Variants in TESK2 observed in about 807,000 individuals in gnomAD.
TESK2 encodes the protein dual specificity testis-specific protein kinase 2.
Under a neutral mutation model 57.1 loss-of-function variants are expected in TESK2, and 39 were observed. The observed-to-expected ratio is 0.68, with a 90% CI of 0.53 to 0.89. The LOEUF (loss-of-function observed/expected upper bound fraction) is 0.89, where lower values mean the gene tolerates loss of function less well. Ranked by LOEUF, TESK2 falls within the 40% of genes least tolerant of loss-of-function variation. The pLI, the probability that TESK2 is intolerant of heterozygous loss-of-function variation, is 0.00. For missense variants in TESK2, 646 were observed against 732.1 expected, an observed-to-expected ratio of 0.88 and a Z score of 1.36; for synonymous variants, 249 against 267.9, an observed-to-expected ratio of 0.93 and a Z score of 0.69.
At chr1:45,489,555 C>T (rs1653630669) in intron 1 of TESK2, among the ~76,000 whole-genome samples, 1 of 152,180 alleles carries the variant, frequency 6.6e-6, no homozygotes, top group South Asian at 2.1e-4. Flanking sequence ...TGTGGGAGGC[C>T]GAGGTGGGCG....
At chr1:45,476,335 T>C (rs1203075283) in intron 1 of TESK2, among the ~76,000 whole-genome samples, 1 of 151,832 alleles carries the variant, frequency 6.6e-6, no homozygotes, top group Non-Finnish European at 1.5e-5. Context: ...TGAGGAGACT[T>C]TGTCTCTACA....
At chr1:45,420,996 T>C (rs1187184607) in intron 3 of TESK2, among the ~76,000 whole-genome samples, 1 of 152,094 alleles carries the variant, frequency 6.6e-6, no homozygotes, top group South Asian at 2.1e-4. Flanking sequence ...CATAAACTTA[T>C]AAAAATAATT....
intron 2 of TESK2, among the ~76,000 whole-genome samples, chr1:45,427,111 T>C (rs562631967): frequency 5.3e-5 from 8 of 151,948 alleles, no homozygotes; most frequent in African/African-American, 1.9e-4. Context: ...GGCATGGTAG[T>C]GCACGTCTGT....
chr1:45,434,330 C>T (rs1651100545), intron 2 of TESK2, among the ~76,000 whole-genome samples: 1 of 148,688 alleles, frequency 6.7e-6, no homozygotes, highest in Admixed American at 6.7e-5. Flanking sequence ...GGGTCCTGCT[C>T]TATTGCCAGG....
chr1:45,381,483 T>TATC (rs1325879040), intron 4 of TESK2, among the ~76,000 whole-genome samples: 1 of 152,050 alleles, frequency 6.6e-6, no homozygotes, highest in African/African-American at 2.4e-5. Context: ...GCTATTCTGG[T>TATC]ATCATCTTAA....
At chr1:45,438,634 A>G (rs1473374580) in intron 2 of TESK2, among the ~76,000 whole-genome samples, 1 of 152,214 alleles carries the variant, frequency 6.6e-6, no homozygotes, top group Non-Finnish European at 1.5e-5. Context: ...AGATTATTTC[A>G]TCACCTAGGT....
intron 2 of TESK2, among the ~76,000 whole-genome samples, chr1:45,454,246 G>C (rs1419503451): frequency 6.6e-6 from 1 of 152,034 alleles, no homozygotes; most frequent in African/African-American, 2.4e-5. Flanking sequence ...TGGTTGCCAG[G>C]GGTTGGGGGG....
chr1:45,483,685 G>A (rs186497215), intron 1 of TESK2, among the ~76,000 whole-genome samples: 7 of 152,198 alleles, frequency 4.6e-5, no homozygotes, highest in Middle Eastern at 3.4e-3. Flanking sequence ...GCGAGGGGGC[G>A]GCGGAGGGGG....
chr1:45,358,230 A>G (rs548782335), intron 4 of TESK2, among the ~76,000 whole-genome samples: 78 of 151,158 alleles, frequency 5.2e-4, no homozygotes, highest in Non-Finnish European at 9.9e-4. Flanking sequence ...GGAGAATGGC[A>G]TGAACCCAGG....
At chr1:45,401,145 C>T (rs1649579775) in intron 3 of TESK2, among the ~76,000 whole-genome samples, 1 of 151,802 alleles carries the variant, frequency 6.6e-6, no homozygotes, top group African/African-American at 2.4e-5. Context: ...ATCTGTAATC[C>T]CAGCACTTTG....
chr1:45,378,514 A>C (rs1648526524), intron 4 of TESK2, among the ~76,000 whole-genome samples: 1 of 152,218 alleles, frequency 6.6e-6, no homozygotes, highest in South Asian at 2.1e-4. Flanking sequence ...CATGTGGAAA[A>C]AGAGAAGAAC....
At chr1:45,466,895 A>C (rs1403509663) in intron 1 of TESK2, among the ~76,000 whole-genome samples, 1 of 151,962 alleles carries the variant, frequency 6.6e-6, no homozygotes, top group Non-Finnish European at 1.5e-5. Flanking sequence ...CCTTACAATA[A>C]CCACAAAGTT....
chr1:45,398,471 C>G lies in TESK2; in HGVS notation c.345-12511G>C, dbSNP rs1649452304. 3.3e-5 allele frequency among the ~76,000 whole-genome samples: 5 copies of G among 152,002 alleles called. No individual in the cohort carries two copies. The South Asian group carries it at 1.0e-3, about 32-fold the overall frequency. On this transcript the variant is annotated intron_variant, in intron 3 of 10. Coordinates refer to ENST00000372086, the MANE Select transcript of TESK2 (RefSeq NM_007170.3). Reference sequence around the variant, plus strand: ...GAGGCAGAAGAAAATTGCTTGAACCCAGGAGGCAGAGGCTGCAGTGAGCCG... The same window carrying G: ...GAGGCAGAAGAAAATTGCTTGAACCGAGGAGGCAGAGGCTGCAGTGAGCCG...
At chr1:45,453,003 G>A (rs1651929435) in intron 2 of TESK2, among the ~76,000 whole-genome samples, 1 of 151,662 alleles carries the variant, frequency 6.6e-6, no homozygotes, top group African/African-American at 2.4e-5. Flanking sequence ...CTATGATCAC[G>A]CCACTGCACT....
chr1:45,428,302 A>T (rs1323766552), intron 2 of TESK2, among the ~76,000 whole-genome samples: 2 of 152,176 alleles, frequency 1.3e-5, no homozygotes, highest in Non-Finnish European at 2.9e-5. Flanking sequence ...CAGAGACACA[A>T]TTTGAATACA....
chr1:45,389,457 C>T (rs2149276101), intron 3 of TESK2, among the ~76,000 whole-genome samples: 1 of 152,246 alleles, frequency 6.6e-6, no homozygotes, highest in South Asian at 2.1e-4. Flanking sequence ...GCATACTCAG[C>T]CCCTTTGCCA....
At chr1:45,406,929 A>G (rs1232912615) in intron 3 of TESK2, among the ~76,000 whole-genome samples, 4 of 152,204 alleles carry the variant, frequency 2.6e-5, no homozygotes, top group Non-Finnish European at 5.9e-5. Flanking sequence ...TCTAGCTAAC[A>G]TACACTGCCA....
At chr1:45,474,636 C>G (rs1488446723) in intron 1 of TESK2, among the ~76,000 whole-genome samples, 1 of 151,706 alleles carries the variant, frequency 6.6e-6, no homozygotes, top group Non-Finnish European at 1.5e-5. Context: ...CCACGCTGGG[C>G]TAATTTTTGT....
intron 3 of TESK2, among the ~76,000 whole-genome samples, chr1:45,392,580 A>G (rs1477217969): frequency 6.6e-6 from 1 of 152,176 alleles, no homozygotes; most frequent in African/African-American, 2.4e-5. Context: ...ACATGCCTGT[A>G]ATCCCAGATA....
Sources: gnomAD v4.1 joint callset for allele counts (sites outside exome capture counted in the v4.1 genomes callset) on GRCh38, gnomAD v4.1.1 for gene constraint, MANE v1.5 for transcripts, NCBI Gene and HGNC (gene_info 2026-07-23, HGNC 2026-07-21) for gene names.